Variants in BCAR3 observed in about 807,000 individuals in gnomAD.
BCAR3 encodes BCAR3 adaptor protein, NSP family member.
Under a neutral mutation model 80.1 loss-of-function variants are expected in BCAR3, and 37 were observed. The observed-to-expected ratio is 0.46, with a 90% CI of 0.36 to 0.61. The LOEUF is 0.61. Ranked by LOEUF, BCAR3 falls within the 20% of genes least tolerant of loss-of-function variation. The pLI, the probability that BCAR3 is intolerant of heterozygous loss-of-function variation, is 0.00. For synonymous variants in BCAR3, 389 were observed against 418.9 expected (o/e 0.93, Z 0.87); for missense variants, 978 against 1,068.2 (o/e 0.92, Z 1.18).
chr1:93,817,652 C>G (rs187003907), intron 2 of BCAR3, among the ~76,000 whole-genome samples: 1 of 152,222 alleles, frequency 6.6e-6, no homozygotes, highest in Admixed American at 6.5e-5. Context: ...TGGCAGCATT[C>G]CCAATCTTAC....
At chr1:93,687,314 A>G (rs1253013858) in intron 3 of BCAR3, among the ~76,000 whole-genome samples, 2 of 151,988 alleles carry the variant, frequency 1.3e-5, no homozygotes, top group Non-Finnish European at 2.9e-5. Flanking sequence ...TTTTATTTAT[A>G]TATTTCTTTT....
chr1:93,794,256 G>A, intron 2 of BCAR3, among the ~76,000 whole-genome samples: 1 of 66,046 alleles, frequency 1.5e-5, no homozygotes, highest in South Asian at 7.5e-4. Context: ...ACAGTGGGGT[G>A]TTAAAGTCTC....
intron 1 of BCAR3, 38 bp from the exon 2 acceptor site, chr1:93,674,979 G>A (rs373152599): frequency 2.3e-4 from 337 of 1,462,734 alleles, no homozygotes; most frequent in Non-Finnish European, 2.9e-4. Flanking sequence ...ATAAATCTAT[G>A]AGAGTCACAA....
At chr1:93,805,055 A>G (rs1653612725) in intron 2 of BCAR3, among the ~76,000 whole-genome samples, 2 of 152,374 alleles carry the variant, frequency 1.3e-5, no homozygotes, top group African/African-American at 4.8e-5. Context: ...GTAATGATTT[A>G]GCTACCAGGA....
intron 3 of BCAR3, among the ~76,000 whole-genome samples, chr1:93,597,414 C>G (rs1215174157): frequency 2.0e-5 from 3 of 152,198 alleles, no homozygotes; most frequent in Non-Finnish European, 4.4e-5. Flanking sequence ...CTATCCCCAG[C>G]ATTTTAATAG....
intron 2 of BCAR3, among the ~76,000 whole-genome samples, chr1:93,645,112 T>G (rs1448646367): frequency 2.0e-5 from 3 of 152,148 alleles, no homozygotes; most frequent in Non-Finnish European, 4.4e-5. Flanking sequence ...CATGGGTGAC[T>G]GGGGGCCTCG....
chr1:93,803,512 A>C (rs939723993), intron 2 of BCAR3, among the ~76,000 whole-genome samples: 4 of 152,174 alleles, frequency 2.6e-5, no homozygotes, highest in African/African-American at 9.7e-5. Context: ...AGAAAAAGAG[A>C]GAGGTCCAGA....
In BCAR3 at chr1:93,609,988, C is replaced by A. The variant is rs567818619; in HGVS notation, c.358-17595G>T. 1.3e-5 allele frequency among the ~76,000 whole-genome samples: 2 copies of A among 152,354 alleles called. 1 individual carries two copies. Among genetic ancestry groups the A allele is most frequent in the East Asian group, 3.9e-4 (2 of 5,192 alleles). ...CCCTCTAAAGAGAGCAACACCAAATCAGTGATAACCGATCGTTTCCTTCAA... is the reference window on the plus strand; with the variant it reads ...CCCTCTAAAGAGAGCAACACCAAATAAGTGATAACCGATCGTTTCCTTCAA... On this transcript the variant is annotated intron_variant, in intron 3 of 11. Coordinates refer to ENST00000260502, the MANE Select transcript of BCAR3 (RefSeq NM_003567.4).
intron 2 of BCAR3, among the ~76,000 whole-genome samples, chr1:93,835,235 A>T (rs1460129618): frequency 6.6e-6 from 1 of 152,196 alleles, no homozygotes; most frequent in East Asian, 1.9e-4. Flanking sequence ...GTCCTCCATC[A>T]TTAATGCCTC....
At chr1:93,699,523 G>T (rs1203114741) in intron 3 of BCAR3, among the ~76,000 whole-genome samples, 3 of 152,072 alleles carry the variant, frequency 2.0e-5, no homozygotes, top group Non-Finnish European at 2.9e-5. Context: ...GGGTGGATGG[G>T]CAGAAGAACT....
chr1:93,845,503 A>ATATATATATCTCATGTTGTCAAGT (rs1571168386), intron 2 of BCAR3: 1 of 4,786 alleles, frequency 2.1e-4, no homozygotes, highest in South Asian at 7.2e-3. Flanking sequence ...TATATATATA[A>ATATATATATCTCATGTTGTCAAGT]AACTTTGTTT....
At chr1:93,635,314 G>A (rs1466286874) in intron 3 of BCAR3, among the ~76,000 whole-genome samples, 1 of 142,726 alleles carries the variant, frequency 7.0e-6, no homozygotes, top group East Asian at 1.9e-4. Context: ...GAAGGACTTT[G>A]GGGTTGTCTC....
chr1:93,693,870 A>G (rs1649287257), intron 3 of BCAR3, among the ~76,000 whole-genome samples: 1 of 152,072 alleles, frequency 6.6e-6, no homozygotes, highest in Admixed American at 6.6e-5. Context: ...CTCAGTGTGG[A>G]GTGGAGCTGA....
chr1:93,706,960 A>C (rs1649846990), intron 2 of BCAR3, among the ~76,000 whole-genome samples: 1 of 152,132 alleles, frequency 6.6e-6, no homozygotes, highest in Admixed American at 6.5e-5. Flanking sequence ...GTGGATCACG[A>C]GGTCAGGAGT....
intron 2 of BCAR3, chr1:93,646,432 GTC>G (rs200101429): frequency 0.028 from 4,272 of 152,000 alleles, 90 homozygotes; most frequent in East Asian, 0.08. Flanking sequence ...GAGAAACCCT[GTC>G]TCTACTAAAA....
At chr1:93,694,092 G>C (rs749357855) in intron 3 of BCAR3, among the ~76,000 whole-genome samples, 5 of 152,240 alleles carry the variant, frequency 3.3e-5, no homozygotes, top group African/African-American at 4.8e-5. Flanking sequence ...TGAGAATACA[G>C]ATCTGACCAG....
chr1:93,692,383 T>G (rs1649225341), intron 3 of BCAR3, among the ~76,000 whole-genome samples: 1 of 152,144 alleles, frequency 6.6e-6, no homozygotes, highest in Admixed American at 6.5e-5. Flanking sequence ...TAAGAATAAT[T>G]TCCAGATAGT....
intron 5 of BCAR3, among the ~76,000 whole-genome samples, chr1:93,584,614 C>A (rs1369454697): frequency 6.6e-6 from 1 of 152,188 alleles, no homozygotes; most frequent in Non-Finnish European, 1.5e-5. Flanking sequence ...CCCCAAATAA[C>A]CTGCAGGACT....
intron 2 of BCAR3, among the ~76,000 whole-genome samples, chr1:93,653,269 A>G (rs1245753916): frequency 6.6e-6 from 1 of 152,242 alleles, no homozygotes; most frequent in Non-Finnish European, 1.5e-5. Context: ...TTGCAATACT[A>G]TCAATATTTC....
Sources: gnomAD v4.1 joint callset for allele counts (sites outside exome capture counted in the v4.1 genomes callset) on GRCh38, gnomAD v4.1.1 for gene constraint, MANE v1.5 for transcripts, NCBI Gene and HGNC (gene_info 2026-07-23, HGNC 2026-07-21) for gene names.